GPAT4: variants seen among roughly 807,000 people sequenced by gnomAD.
GPAT4 encodes glycerol-3-phosphate acyltransferase 4.
GPAT4 carries 17 observed loss-of-function variants against 58.0 expected under a neutral mutation model. That is an observed-to-expected ratio of 0.29 (90% CI 0.20 to 0.44). GPAT4 has a LOEUF of 0.44. Among genes scored for constraint, GPAT4 ranks in the 20% least tolerant of loss-of-function variants. The pLI, the probability that GPAT4 is intolerant of heterozygous loss-of-function variation, is 1.00. For synonymous variants in GPAT4, 204 were observed against 210.1 expected (o/e 0.97, Z 0.25); for missense variants, 377 against 574.5 (o/e 0.66, Z 3.51).
rs961105059 is a variant in GPAT4 at position 41,613,819 on chromosome 8, C to T, written c.912-567C>T. ...TAGTCCCAGCTACTTGGGAGGCTGA[C>T]GTGGGAGGATCGCTTGAGCCAGGGA... On this transcript the variant is annotated intron_variant, in intron 8 of 12. Transcript: ENST00000396987. Among the ~76,000 whole-genome samples the T allele has an allele frequency of 1.6e-4, 25 of 151,920 alleles. No individual in the cohort carries two copies. The South Asian group carries it at 2.1e-3, about 13-fold the overall frequency.
intron 12 of GPAT4, among the ~76,000 whole-genome samples, chr8:41,620,070 A>G (rs545182885): frequency 6.6e-6 from 1 of 152,352 alleles, no homozygotes; most frequent in East Asian, 1.9e-4. Context: ...TTGAAGGTTT[A>G]ACTTCTGCCC....
intron 4 of GPAT4, chr8:41,610,198 C>T: frequency 7.3e-7 from 1 of 1,363,164 alleles, no homozygotes; most frequent in Non-Finnish European, 9.4e-7. Context: ...TAGATGACAG[C>T]AAACACAGGG....
At chr8:41,582,791 G>A (rs1230830395) in intron 1 of GPAT4, among the ~76,000 whole-genome samples, 1 of 152,040 alleles carries the variant, frequency 6.6e-6, no homozygotes, top group Non-Finnish European at 1.5e-5. Flanking sequence ...CGTATTTATA[G>A]TGTACAGTAA....
At position 41,618,750 on chromosome 8, in the gene GPAT4, C is replaced by T; in HGVS notation, c.1120C>T (p.Arg374Ter). Residue 374 changes from arginine (R) to a stop codon, truncating the protein, a stop_gained, in exon 11 of 13, where the codon CGA becomes TGA. Coordinates refer to ENST00000396987, the MANE Select transcript of GPAT4 (RefSeq NM_178819.4). LOFTEE classifies it high-confidence loss of function. ...SKYGMVTYLL[R>*]MMTSWAIVCS... ...ATACGGGATGGTGACGTACCTGCTG[C>T]GAATGATGACCAGCTGGGCCATTGT... The T allele has an allele frequency of 1.9e-6, 3 of 1,614,244 alleles. No homozygotes were observed. Among genetic ancestry groups the T allele is most frequent in the Non-Finnish European group, 1.7e-6 (2 of 1,180,052 alleles).
rs1196669088 is a variant in GPAT4 at position 41,586,613 on chromosome 8, T to C, written c.-849+8335T>C. ...CATGTGTCCCAAGCAAATCCGCTTTTTCTAGGTGACAGCCAGCCCGGTCTG... is the reference window on the plus strand; with the variant it reads ...CATGTGTCCCAAGCAAATCCGCTTTCTCTAGGTGACAGCCAGCCCGGTCTG... On this transcript the variant is annotated intron_variant, in intron 1 of 12. Coordinates refer to ENST00000396987, the MANE Select transcript of GPAT4 (RefSeq NM_178819.4). 2.0e-5 allele frequency among the ~76,000 whole-genome samples: 3 copies of C among 152,164 alleles called. No homozygotes were observed. The East Asian group carries it at 5.8e-4, about 29-fold the overall frequency.
intron 10 of GPAT4, among the ~76,000 whole-genome samples, chr8:41,616,065 G>A (rs539269440): frequency 6.6e-6 from 1 of 152,370 alleles, no homozygotes; most frequent in African/African-American, 2.4e-5. Context: ...CAGGAAAGAG[G>A]AACATAGTCT....
intron 1 of GPAT4, among the ~76,000 whole-genome samples, chr8:41,595,109 C>A (rs1180857507): frequency 6.7e-6 from 1 of 148,998 alleles, no homozygotes; most frequent in Non-Finnish European, 1.5e-5. Flanking sequence ...TTATCCTTTG[C>A]TATTAATAAG....
rs1193405360 is a variant in GPAT4, at chr8:41,611,510, A to G, written c.612-393A>G. Among the ~76,000 whole-genome samples the G allele has an allele frequency of 2.6e-5, 4 of 152,242 alleles. No individual in the cohort carries two copies. In the South Asian group the frequency reaches 8.3e-4, roughly 31 times the overall value. ...AGGGAGGTTTTGTCTGTTTGTGTGAAGAATATTTTGCTCCCTTTGGGAAGT... is the reference window on the plus strand; with the variant it reads ...AGGGAGGTTTTGTCTGTTTGTGTGAGGAATATTTTGCTCCCTTTGGGAAGT... On this transcript the variant is annotated intron_variant, in intron 5 of 12. Transcript: ENST00000396987.
intron 1 of GPAT4, among the ~76,000 whole-genome samples, chr8:41,582,662 G>A (rs1401755082): frequency 1.6e-5 from 2 of 124,902 alleles, no homozygotes; most frequent in African/African-American, 6.3e-5. Flanking sequence ...ACAAGGGGAG[G>A]GAGAGAGAGA....
At chr8:41,584,369 A>C (rs1802599129) in intron 1 of GPAT4, among the ~76,000 whole-genome samples, 1 of 152,190 alleles carries the variant, frequency 6.6e-6, no homozygotes, top group African/African-American at 2.4e-5. Context: ...AGACTTGTAG[A>C]TAGCAGTTTT....
At chr8:41,610,035 A>T in intron 4 of GPAT4, 80 bp downstream of exon 4, 1 of 1,519,260 alleles carries the variant, frequency 6.6e-7, no homozygotes, top group South Asian at 1.3e-5. Flanking sequence ...TCTGCTGTGT[A>T]TTCCCGTTTT....
At position 41,611,961 on chromosome 8, in the gene GPAT4, G is replaced by A. The variant is rs1248819678; in HGVS notation, c.670G>A (p.Ala224Thr). Residue 224 changes from alanine to threonine, a missense_variant, in exon 6 of 13, where the codon GCG (alanine) becomes ACG (threonine). Coordinates refer to ENST00000396987, the MANE Select transcript of GPAT4 (RefSeq NM_178819.4). ...AATGTGTTACCGGATCTGCGTGCGA[G>A]CGCTGACAGCCATCATCACCTACCA... is the stretch of plus-strand genomic sequence containing the variant. ...HLMCYRICVR[A>T]LTAIITYHDR... 6.2e-7 allele frequency: 1 copy of A among 1,614,222 alleles called. No homozygotes were observed. The highest frequency in any genetic ancestry group is 1.7e-5 in the Admixed American group (1 of 60,026).
intron 4 of GPAT4, 105 bp from the exon 5 acceptor site, chr8:41,610,631 T>C (rs1803413797): frequency 1.3e-6 from 2 of 1,560,446 alleles, no homozygotes; most frequent in African/African-American, 2.7e-5. Flanking sequence ...GGTGAGCAGG[T>C]CTTGGGGGTG....
At chr8:41,618,660 C>T in intron 10 of GPAT4, 24 bp from the exon 11 acceptor site, 2 of 1,613,204 alleles carry the variant, frequency 1.2e-6, no homozygotes, top group Non-Finnish European at 1.7e-6. Flanking sequence ...TCATGTCTTA[C>T]CTCCAGCTTT....
intron 1 of GPAT4, among the ~76,000 whole-genome samples, chr8:41,582,030 A>G (rs1802529044): frequency 1.2e-5 from 1 of 85,650 alleles, no homozygotes; most frequent in Admixed American, 2.2e-4. Context: ...TTTTTTGGAG[A>G]CTGAGTCTTC....
At chr8:41,581,993 A>ATTT (rs71230849) in intron 1 of GPAT4, among the ~76,000 whole-genome samples, 1,283 of 63,600 alleles carry the variant, frequency 0.02, 146 homozygotes, top group Non-Finnish European at 0.022. Context: ...AAGTTCAATG[A>ATTT]TTTTTTTTTT....
chr8:41,582,476 CAT>C (rs1491062235), intron 1 of GPAT4, among the ~76,000 whole-genome samples: 1,334 of 100,208 alleles, frequency 0.013, 20 homozygotes, highest in African/African-American at 0.031. Context: ...CACACACACA[CAT>C]CTTTCTTTCT....
intron 2 of GPAT4, among the ~76,000 whole-genome samples, chr8:41,605,989 G>A (rs1803257738): frequency 6.6e-6 from 1 of 152,252 alleles, no homozygotes; most frequent in Non-Finnish European, 1.5e-5. Context: ...GACAGGGCAT[G>A]AACCACGAGG....
chr8:41,595,122 C>T (rs1266852271), intron 1 of GPAT4, among the ~76,000 whole-genome samples: 1 of 147,850 alleles, frequency 6.8e-6, no homozygotes, highest in African/African-American at 2.5e-5. Flanking sequence ...TTAATAAGAC[C>T]TTGTTTAGTC....
Sources: allele counts gnomAD v4.1 joint callset (sites outside exome capture counted in the v4.1 genomes callset), GRCh38; gene constraint gnomAD v4.1.1; transcripts MANE v1.5; gene names NCBI Gene and HGNC (gene_info 2026-07-23, HGNC 2026-07-21).